Variants in FBXL13 observed in about 807,000 individuals in gnomAD.
The protein encoded by FBXL13 is F-box and leucine-rich repeat protein 13.
A neutral mutation model predicts 83.6 loss-of-function variants in FBXL13; 67 were observed. That is an observed-to-expected ratio of 0.80 (90% CI 0.66 to 0.98). The LOEUF is 0.98. Among genes scored for constraint, FBXL13 ranks in the 50% least tolerant of loss-of-function variants. The pLI is 0.00. For synonymous variants in FBXL13, 272 were observed against 299.5 expected (o/e 0.91, Z 0.95); for missense variants, 822 against 866.5 (o/e 0.95, Z 0.64).
At chr7:103,021,136 T>C (rs1303347367) in intron 6 of FBXL13, among the ~76,000 whole-genome samples, 1 of 152,034 alleles carries the variant, frequency 6.6e-6, no homozygotes, top group Non-Finnish European at 1.5e-5. Flanking sequence ...AAAACAGAGA[T>C]ATAGACCAAT....
intron 8 of FBXL13, among the ~76,000 whole-genome samples, chr7:102,936,610 T>C (rs1476357159): frequency 6.6e-6 from 1 of 152,226 alleles, no homozygotes; most frequent in Non-Finnish European, 1.5e-5. Flanking sequence ...ACTGGAATTA[T>C]ATATTTTTAA....
intron 1 of FBXL13, among the ~76,000 whole-genome samples, chr7:103,070,826 C>G (rs996539788): frequency 1.3e-5 from 2 of 152,234 alleles, no homozygotes; most frequent in Admixed American, 6.5e-5. Flanking sequence ...CTAATTATCA[C>G]AGGGGAGGGC....
At chr7:103,044,714 G>A (rs932122306) in intron 2 of FBXL13, among the ~76,000 whole-genome samples, 2 of 152,136 alleles carry the variant, frequency 1.3e-5, no homozygotes, top group African/African-American at 2.4e-5. Context: ...TTTTATATAT[G>A]CTTTCTCTTG....
At chr7:102,879,692 T>C (rs1222533184) in intron 14 of FBXL13, among the ~76,000 whole-genome samples, 3 of 152,044 alleles carry the variant, frequency 2.0e-5, no homozygotes, top group Non-Finnish European at 2.9e-5. Context: ...TGGGCATCTA[T>C]AGTTTTTTTT....
chr7:102,884,633 A>G (rs896074415), intron 11 of FBXL13, among the ~76,000 whole-genome samples: 1 of 152,150 alleles, frequency 6.6e-6, no homozygotes, highest in Non-Finnish European at 1.5e-5. Context: ...CAACACAGCA[A>G]GACCCTGTCT....
chr7:103,022,050 A>G (rs1321674761), intron 6 of FBXL13, among the ~76,000 whole-genome samples: 1 of 152,210 alleles, frequency 6.6e-6, no homozygotes, highest in Non-Finnish European at 1.5e-5. Flanking sequence ...TTGCGGCACT[A>G]GTCACAATAG....
At chr7:102,843,786 AT>A (rs1282323295) in intron 17 of FBXL13, among the ~76,000 whole-genome samples, 1 of 152,218 alleles carries the variant, frequency 6.6e-6, no homozygotes, top group Non-Finnish European at 1.5e-5. Flanking sequence ...AATAAAAAAA[AT>A]AAAATAATAA....
At chr7:102,819,785 G>A (rs1010673645) in intron 19 of FBXL13, among the ~76,000 whole-genome samples, 3 of 152,178 alleles carry the variant, frequency 2.0e-5, no homozygotes, top group African/African-American at 7.2e-5. Context: ...GCCCTGATTA[G>A]ATAGTGAGCA....
chr7:103,015,721 C>T (rs1448261346), intron 6 of FBXL13, among the ~76,000 whole-genome samples: 4 of 146,270 alleles, frequency 2.7e-5, no homozygotes, highest in South Asian at 4.3e-4. Context: ...TGCTTGAACC[C>T]GGGAAGCAGA....
Position 102,878,458 on chromosome 7 carries a change from A to G in FBXL13, c.1389-8T>C. On this transcript the variant is annotated splice_polypyrimidine_tract_variant and splice_region_variant and intron_variant, in intron 14 of 19. Transcript: ENST00000313221. ...AGTCCCATATCACCAATTCTGTAGG[A>G]AAGAGAGAAAAATTTTACATGTGAT... 6.4e-7 allele frequency: 1 copy of G among 1,561,290 alleles called. No individual in the cohort carries two copies.
intron 1 of FBXL13, chr7:103,074,129 G>A (rs1585686251): frequency 1.7e-6 from 1 of 583,420 alleles, no homozygotes; most frequent in Non-Finnish European, 2.2e-6. Context: ...GGTTGAGAGG[G>A]TCCTTACCTT....
chr7:103,066,647 C>T (rs185738289), intron 1 of FBXL13, among the ~76,000 whole-genome samples: 175 of 152,220 alleles, frequency 1.1e-3, no homozygotes, highest in African/African-American at 4.0e-3. Flanking sequence ...CCCGCCTCAG[C>T]CTCCCAAAGC....
chr7:102,966,995 G>A (rs1826034319), intron 7 of FBXL13, among the ~76,000 whole-genome samples: 2 of 151,690 alleles, frequency 1.3e-5, no homozygotes, highest in African/African-American at 4.8e-5. Context: ...TTTTGAGATG[G>A]AGTCTCACTC....
chr7:102,987,647 A>G (rs910658963), intron 6 of FBXL13, among the ~76,000 whole-genome samples: 3 of 152,250 alleles, frequency 2.0e-5, no homozygotes, highest in Admixed American at 2.0e-4. Flanking sequence ...ATCCCACTTT[A>G]TATTTATTCC....
chr7:102,970,655 A>C (rs940218328), intron 6 of FBXL13, among the ~76,000 whole-genome samples: 2 of 152,240 alleles, frequency 1.3e-5, no homozygotes, highest in African/African-American at 4.8e-5. Context: ...AAGGAAGTCC[A>C]ACAAGATTCA....
At chr7:102,852,630 A>G (rs1418904349) in intron 17 of FBXL13, among the ~76,000 whole-genome samples, 1 of 152,228 alleles carries the variant, frequency 6.6e-6, no homozygotes, top group East Asian at 1.9e-4. Context: ...AACCAAAACC[A>G]CAATGCAAAA....
chr7:102,883,327 A>AAAG, exon 14 of FBXL13: 1 of 1,612,242 alleles, frequency 6.2e-7, no homozygotes. Flanking sequence ...GCCAAATTCA[A>AAAG]CACAGTCAGT....
At chr7:102,955,863 A>T (rs1479837755) in intron 8 of FBXL13, among the ~76,000 whole-genome samples, 12 of 152,238 alleles carry the variant, frequency 7.9e-5, no homozygotes, top group Admixed American at 4.6e-4. Flanking sequence ...TAGACCAATA[A>T]CAGGATCTGA....
downstream of FBXL13, among the ~76,000 whole-genome samples, chr7:102,811,545 C>A (rs1797435109): frequency 6.6e-6 from 1 of 152,148 alleles, no homozygotes; most frequent in African/African-American, 2.4e-5. Flanking sequence ...ACTCAAAGAG[C>A]TTTGGAGCAA....
Sources: allele counts gnomAD v4.1 joint callset (sites outside exome capture counted in the v4.1 genomes callset), GRCh38; gene constraint gnomAD v4.1.1; transcripts MANE v1.5; gene names NCBI Gene and HGNC (gene_info 2026-07-23, HGNC 2026-07-21).